Variants in TINAG observed in about 807,000 individuals in gnomAD.
The protein encoded by TINAG is tubulointerstitial nephritis antigen.
A neutral mutation model predicts 72.7 loss-of-function variants in TINAG; 83 were observed. The ratio of observed to expected loss-of-function variants is 1.14; its 90% CI spans 0.96 to 1.37. The LOEUF (loss-of-function observed/expected upper bound fraction) is 1.37, where lower values mean the gene tolerates loss of function less well. Among genes scored for constraint, TINAG ranks in the 40% most tolerant of loss-of-function variants. TINAG has a pLI of 0.00. For missense variants in TINAG, 685 were observed against 576.6 expected, an observed-to-expected ratio of 1.19 and a Z score of -1.93; for synonymous variants, 234 against 189.9, an observed-to-expected ratio of 1.23 and a Z score of -1.91.
At chr6:54,373,795 C>T (rs1372352294) in intron 9 of TINAG, among the ~76,000 whole-genome samples, 2 of 152,094 alleles carry the variant, frequency 1.3e-5, no homozygotes, top group African/African-American at 2.4e-5. Context: ...AGTCTCCTTC[C>T]AGTGCTAAGA....
At chr6:54,369,325 G>A (rs1286952395) in intron 9 of TINAG, among the ~76,000 whole-genome samples, 1 of 151,812 alleles carries the variant, frequency 6.6e-6, no homozygotes, top group African/African-American at 2.4e-5. Context: ...TTGGTCTATT[G>A]ATATGGAAAG....
At chr6:54,314,072 A>T (rs1367495182) in intron 1 of TINAG, among the ~76,000 whole-genome samples, 1 of 152,186 alleles carries the variant, frequency 6.6e-6, no homozygotes, top group African/African-American at 2.4e-5. Context: ...GCATCGTGTG[A>T]CTTGTATGCC....
At chr6:54,368,263 A>G (rs1180757106) in intron 9 of TINAG, among the ~76,000 whole-genome samples, 2 of 147,752 alleles carry the variant, frequency 1.4e-5, no homozygotes, top group Non-Finnish European at 3.0e-5. Context: ...ATATATTATA[A>G]TGTATTATAT....
chr6:54,327,722 C>T (rs1470952233), intron 4 of TINAG, among the ~76,000 whole-genome samples: 1 of 152,150 alleles, frequency 6.6e-6, no homozygotes. Flanking sequence ...TTCTCACTGC[C>T]AGCACAGCAG....
At chr6:54,383,333 C>T (rs1764006103) in intron 10 of TINAG, among the ~76,000 whole-genome samples, 1 of 151,952 alleles carries the variant, frequency 6.6e-6, no homozygotes, top group African/African-American at 2.4e-5. Context: ...ATGGATGTTT[C>T]AAAGCATTTA....
At chr6:54,360,607 G>T (rs112402403) in intron 9 of TINAG, among the ~76,000 whole-genome samples, 2 of 151,282 alleles carry the variant, frequency 1.3e-5, no homozygotes, top group African/African-American at 4.9e-5. Context: ...GTCTCAAGTT[G>T]GTTGTAATGC....
chr6:54,311,744 C>A (rs12201103), intron 1 of TINAG, among the ~76,000 whole-genome samples: 20,317 of 152,118 alleles, frequency 0.13, 1,758 homozygotes, highest in African/African-American at 0.24. Flanking sequence ...AGCTTATTCA[C>A]CCCCCTTTTT....
chr6:54,340,580 A>G (rs920478229), intron 4 of TINAG, among the ~76,000 whole-genome samples: 1 of 152,136 alleles, frequency 6.6e-6, no homozygotes, highest in Non-Finnish European at 1.5e-5. Flanking sequence ...TTATAATATC[A>G]GATTAGCTGA....
chr6:54,322,270 T>C (rs902747286), intron 3 of TINAG, among the ~76,000 whole-genome samples: 9 of 151,714 alleles, frequency 5.9e-5, no homozygotes, highest in African/African-American at 2.2e-4. Flanking sequence ...ATTGCGCCAC[T>C]GCACTCCAGC....
At chr6:54,308,006 G>C, upstream of TINAG, 1 of 1,542,948 alleles carries the variant, frequency 6.5e-7, no homozygotes. Flanking sequence ...AAACCAGTGT[G>C]TGACTGGGCA....
chr6:54,369,832 T>C (rs934607796), intron 9 of TINAG: 1 of 152,066 alleles, frequency 6.6e-6, no homozygotes, highest in African/African-American at 2.4e-5. Flanking sequence ...GGTTAAACCA[T>C]TGAGGAAATA....
intron 10 of TINAG, among the ~76,000 whole-genome samples, chr6:54,388,525 G>A (rs752956215): frequency 6.6e-6 from 1 of 152,072 alleles, no homozygotes; most frequent in South Asian, 2.1e-4. Context: ...AGCTCAATTC[G>A]ACACCTTATG....
At chr6:54,308,241 A>G (rs1226793892), upstream of TINAG, 1 of 836,900 alleles carries the variant, frequency 1.2e-6, no homozygotes, top group African/African-American at 1.7e-5. Context: ...GCAATAGTCA[A>G]TGTATCTCTA....
chr6:54,314,645 C>A lies in TINAG; in HGVS notation c.355+5740C>A, dbSNP rs568822730. On this transcript the variant is annotated intron_variant, in intron 1 of 10. Transcript: ENST00000259782. Reference sequence around the variant, plus strand: ...ACACAGTGGCTATTTGGATGTCTGCCTTTTGATTAGTTATTATATCAATTT... The same window carrying A: ...ACACAGTGGCTATTTGGATGTCTGCATTTTGATTAGTTATTATATCAATTT... 3.3e-5 allele frequency among the ~76,000 whole-genome samples: 5 copies of A among 152,048 alleles called. No homozygotes were observed. In the South Asian group the frequency reaches 8.3e-4, roughly 25 times the overall value.
At chr6:54,324,104 A>G (rs1038653911) in intron 3 of TINAG, among the ~76,000 whole-genome samples, 1 of 152,220 alleles carries the variant, frequency 6.6e-6, no homozygotes, top group Admixed American at 6.5e-5. Flanking sequence ...TCAGCAAGTT[A>G]GTGGAATAAA....
intron 4 of TINAG, 127 bp downstream of exon 4, chr6:54,327,043 A>G: frequency 6.5e-7 from 1 of 1,542,134 alleles, no homozygotes; most frequent in Non-Finnish European, 8.7e-7. Context: ...TTGTCACATA[A>G]ATAAAAAACC....
chr6:54,322,078 G>A (rs375134047), intron 3 of TINAG, among the ~76,000 whole-genome samples: 5 of 152,216 alleles, frequency 3.3e-5, no homozygotes, highest in African/African-American at 1.2e-4. Flanking sequence ...AAGGTGGGTG[G>A]GTGGATCACT....
At chr6:54,342,361 C>CT (rs70983413) in intron 4 of TINAG, among the ~76,000 whole-genome samples, 4,055 of 140,530 alleles carry the variant, frequency 0.029, 146 homozygotes, top group African/African-American at 0.088. Flanking sequence ...TTCCTGAAGT[C>CT]TTTTTTTTTT....
Position 54,354,605 on chromosome 6 carries a change from A to T in TINAG, c.1219A>T (p.Lys407Ter). The part of the protein sequence containing the change: ...STNKESEKYR[K>*]LQTHAVKLTG... The stretch of plus-strand genomic sequence containing the variant: ...AAATAAAGAATCAGAAAAATATCGA[A>T]AGCTTCAGACACATGCAGTCAAACT... Residue 407 changes from lysine (K) to a stop codon, truncating the protein, a stop_gained, in exon 9 of 11, where the codon AAG (lysine) becomes TAG (stop). Transcript: ENST00000259782. LOFTEE classifies it high-confidence loss of function. 1 of 1,610,964 alleles carries T rather than the reference A, an allele frequency of 6.2e-7. No homozygotes were observed. Among genetic ancestry groups the T allele is most frequent in the Non-Finnish European group, 8.5e-7 (1 of 1,178,242 alleles).
Sources: gnomAD v4.1 joint callset for allele counts (sites outside exome capture counted in the v4.1 genomes callset) on GRCh38, gnomAD v4.1.1 for gene constraint, MANE v1.5 for transcripts, NCBI Gene and HGNC (gene_info 2026-07-23, HGNC 2026-07-21) for gene names.